ABR: variants seen among roughly 807,000 people sequenced by gnomAD.
ABR encodes ABR activator of RhoGEF and GTPase.
Under a neutral mutation model 107.2 loss-of-function variants are expected in ABR, and 35 were observed. That is an observed-to-expected ratio of 0.33 (90% confidence interval 0.25 to 0.43). The LOEUF (loss-of-function observed/expected upper bound fraction) is 0.43, where lower values mean the gene tolerates loss of function less well. ABR is among the 20% of genes least tolerant of loss of function. The pLI is 1.00. For synonymous variants in ABR, 498 were observed against 462.0 expected (o/e 1.08, Z -1.00); for missense variants, 815 against 1,115.2 (o/e 0.73, Z 3.83).
chr17:1,099,619 A>T (rs2037732348), intron 3 of ABR, among the ~76,000 whole-genome samples: 2 of 152,230 alleles, frequency 1.3e-5, no homozygotes, highest in African/African-American at 4.8e-5. Flanking sequence ...ACACGCCACG[A>T]TCACTCTGCA....
intron 21 of ABR, 141 bp from the exon 22 acceptor site, chr17:1,007,453 C>T: frequency 2.0e-6 from 2 of 1,012,590 alleles, no homozygotes; most frequent in Non-Finnish European, 2.8e-6. Context: ...GAGTGGGGAC[C>T]TCCCCCGGGG....
intron 1 of ABR, among the ~76,000 whole-genome samples, chr17:1,185,663 A>T (rs1333270966): frequency 5.4e-5 from 8 of 148,370 alleles, no homozygotes; most frequent in African/African-American, 7.5e-5. Flanking sequence ...ATAAAAAAAA[A>T]AAAAAAAAAA....
chr17:1,100,435 G>C (rs2037786999), intron 3 of ABR, among the ~76,000 whole-genome samples: 1 of 152,206 alleles, frequency 6.6e-6, no homozygotes, highest in Admixed American at 6.5e-5. Context: ...TTGAGAGCTG[G>C]AGCTGAGAGG....
intron 4 of ABR, among the ~76,000 whole-genome samples, chr17:1,087,502 G>A (rs755160167): frequency 2.1e-3 from 315 of 152,200 alleles, no homozygotes; most frequent in Admixed American, 4.0e-3. Flanking sequence ...AGCTGCAGAA[G>A]GGCAGGACTT....
chr17:1,059,791 G>A (rs986208504), intron 10 of ABR, among the ~76,000 whole-genome samples: 1 of 152,200 alleles, frequency 6.6e-6, no homozygotes, highest in Admixed American at 6.5e-5. Flanking sequence ...CACCTCTATG[G>A]TGTTTTGTTC....
chr17:1,109,233 TCCG>T (rs972518297), intron 2 of ABR: 1,643 of 911,148 alleles, frequency 1.8e-3, no homozygotes, highest in South Asian at 2.6e-3. Context: ...TCCAGCCCGC[TCCG>T]CCGCCGCCGC....
chr17:1,202,956 G>A (rs1351299779), intron 1 of ABR, among the ~76,000 whole-genome samples: 1 of 149,518 alleles, frequency 6.7e-6, no homozygotes, highest in East Asian at 2.0e-4. Flanking sequence ...GTGTGATCTC[G>A]GTTCACTACA....
chr17:1,174,778 C>T (rs567886604), intron 1 of ABR, among the ~76,000 whole-genome samples: 7 of 152,204 alleles, frequency 4.6e-5, no homozygotes, highest in African/African-American at 1.7e-4. Context: ...AAATGGAGGC[C>T]GAAGTGGCAA....
At chr17:1,208,894 A>C (rs2042850110) in intron 1 of ABR, among the ~76,000 whole-genome samples, 1 of 152,014 alleles carries the variant, frequency 6.6e-6, no homozygotes, top group Non-Finnish European at 1.5e-5. Context: ...TCTCAAAAAA[A>C]AAAAAAAAAA....
At chr17:1,107,497 C>G (rs2038334971) in intron 2 of ABR, among the ~76,000 whole-genome samples, 1 of 152,246 alleles carries the variant, frequency 6.6e-6, no homozygotes, top group African/African-American at 2.4e-5. Context: ...ACGGGCTTAG[C>G]TGAGGCATAC....
rs540182801 is a variant in ABR, at chr17:1,070,714, C to T, written c.895-624G>A. On this transcript the variant is annotated intron_variant, in intron 8 of 22. Transcript: ENST00000302538. This position sits in a 1 kb window ranked among gnomAD's most constrained non-coding sequence, Gnocchi z 4.2. The stretch of plus-strand genomic sequence containing the variant: ...CCTGCAGCCAACTCTAACCTGGGCT[C>T]TGGGTGGTTTCTGCTCCACGTGGGA... Among the ~76,000 whole-genome samples the T allele has an allele frequency of 1.3e-5, 2 of 152,244 alleles. No homozygotes were observed. Among genetic ancestry groups the T allele is most frequent in the African/African-American group, 4.8e-5 (2 of 41,544 alleles).
In ABR at chr17:1,069,972, G is replaced by A; in HGVS notation, c.1013C>T (p.Ala338Val). ...LLCAKLKKTS[A>V]GKHQQYDCKW... is the part of the protein sequence containing the mutation. ...GCCCCTGGACTCACACACTCACCCT[G>A]CAGAGGTCTTCTTCAGCTTGGCACA... Residue 338 changes from alanine to valine, a missense_variant, in exon 9 of 23, where the codon GCA (alanine) becomes GTA (valine). Physicochemically the swap from Ala to Val is moderately conservative, Grantham distance 64 (BLOSUM62 0). Around this residue, in one of 5 missense-constraint regions of ABR, gnomAD observed 385 missense variants for 596.9 expected, o/e 0.64. Transcript: ENST00000302538. The A allele has an allele frequency of 6.3e-7, 1 of 1,582,758 alleles. No homozygotes were observed. Among genetic ancestry groups the A allele is most frequent in the Non-Finnish European group, 8.6e-7 (1 of 1,162,926 alleles).
intron 16 of ABR, among the ~76,000 whole-genome samples, chr17:1,038,846 A>G (rs2150965451): frequency 6.6e-6 from 1 of 152,348 alleles, no homozygotes; most frequent in East Asian, 1.9e-4. Flanking sequence ...TGAAGCTTTC[A>G]GAAAACACGG....
rs367546807 is a variant in ABR, at chr17:1,011,960, T to C, written c.1987A>G (p.Ile663Val). The C allele has an allele frequency of 1.5e-5, 25 of 1,613,496 alleles. No homozygotes were observed. Among genetic ancestry groups the C allele is most frequent in the African/African-American group, 4.0e-5 (3 of 74,908 alleles). ...ACCTCCTCCACACACTGCCGGACGA[T>C]GTAGGGCACCTTGGAGCGCTCCCGC... Reference protein sequence around the residue: ...TKRERSKVPYIVRQCVEEVEK... With the variant: ...TKRERSKVPYVVRQCVEEVEK... The change falls in exon 19 of 23, where the codon ATC becomes GTC. Residue 663 changes from isoleucine (I) to valine (V), a missense_variant. Around this residue, in one of 5 missense-constraint regions of ABR, gnomAD observed 175 missense variants for 284.3 expected, o/e 0.62. Coordinates refer to ENST00000302538, the MANE Select transcript of ABR (RefSeq NM_021962.5). The surrounding 1 kb of genome is among the most constrained non-coding windows in gnomAD (Gnocchi z 4.8).
chr17:1,092,840 T>C lies in ABR; in HGVS notation c.346-990A>G, dbSNP rs1333567700. Among the ~76,000 whole-genome samples the C allele has an allele frequency of 6.6e-6, 1 of 151,772 alleles. No homozygotes were observed. Among genetic ancestry groups the C allele is most frequent in the Admixed American group, 6.6e-5 (1 of 15,256 alleles). Reference sequence around the variant, plus strand: ...GGGAGAGCAGCCACGTCGAATTCTTTTTTTTTTGGAGACGGAGTCTCGCTC... The same window carrying C: ...GGGAGAGCAGCCACGTCGAATTCTTCTTTTTTTGGAGACGGAGTCTCGCTC... On this transcript the variant is annotated intron_variant, in intron 3 of 22. Coordinates refer to ENST00000302538, the MANE Select transcript of ABR (RefSeq NM_021962.5). This position sits in a 1 kb window ranked among gnomAD's most constrained non-coding sequence, Gnocchi z 4.6.
chr17:1,141,506 G>C (rs569024967), intron 1 of ABR, among the ~76,000 whole-genome samples: 1 of 152,110 alleles, frequency 6.6e-6, no homozygotes, highest in Non-Finnish European at 1.5e-5. Flanking sequence ...AAGCTTTTGC[G>C]AGGTTACAAT....
chr17:1,035,369 C>T (rs1350097445), intron 16 of ABR, among the ~76,000 whole-genome samples: 1 of 118,766 alleles, frequency 8.4e-6, no homozygotes, highest in Non-Finnish European at 1.8e-5. Flanking sequence ...CCCCCTACAC[C>T]TGCTCCCCCA....
At chr17:1,031,567 A>AC (rs1238625887) in intron 16 of ABR, 59 of 173,056 alleles carry the variant, frequency 3.4e-4, no homozygotes, top group Admixed American at 1.3e-3. Flanking sequence ...CCGAGCCCCC[A>AC]CCCCCCGGAA....
intron 16 of ABR, among the ~76,000 whole-genome samples, chr17:1,023,651 G>A (rs1419662270): frequency 2.0e-5 from 3 of 152,336 alleles, no homozygotes; most frequent in African/African-American, 2.4e-5. Context: ...GAAGCTTCAC[G>A]CTGGAGGCCA....
Sources: allele counts gnomAD v4.1 joint callset (sites outside exome capture counted in the v4.1 genomes callset), GRCh38; gene constraint gnomAD v4.1.1; regional missense constraint gnomAD v4.1.1; non-coding constraint Gnocchi (gnomAD v3.1); transcripts MANE v1.5; gene names NCBI Gene and HGNC (gene_info 2026-07-23, HGNC 2026-07-21).